Variants in NCAM1 observed in about 807,000 individuals in gnomAD.
The protein encoded by NCAM1 is antigen recognized by monoclonal antibody 5.1H11.
NCAM1 carries 14 observed loss-of-function variants against 109.8 expected under a neutral mutation model. The observed-to-expected ratio is 0.13, with a 90% CI of 0.08 to 0.20. The LOEUF is 0.20. NCAM1 is among the 10% of genes least tolerant of loss of function. The probability of loss-of-function intolerance (pLI) is 1.00; values close to 1 mark genes in which losing one functional copy is unlikely to be tolerated. For missense variants in NCAM1, 774 were observed against 1,109.9 expected (o/e 0.70, Z 4.30); for synonymous variants, 418 against 442.9 (o/e 0.94, Z 0.70).
At chr11:113,100,247 C>T (rs577482141) in intron 1 of NCAM1, among the ~76,000 whole-genome samples, 1 of 152,254 alleles carries the variant, frequency 6.6e-6, no homozygotes, top group African/African-American at 2.4e-5. Flanking sequence ...TGGTTCAAAC[C>T]CCTTGTGGAA....
chr11:113,205,989 C>T, intron 4 of NCAM1, 54 bp from the exon 5 acceptor site: 1 of 1,605,560 alleles, frequency 6.2e-7, no homozygotes, highest in Non-Finnish European at 8.5e-7. Flanking sequence ...AGCCACCTGC[C>T]TGCAGATGCT....
At chr11:113,079,223 A>G (rs1387758778) in intron 1 of NCAM1, among the ~76,000 whole-genome samples, 1 of 152,222 alleles carries the variant, frequency 6.6e-6, no homozygotes, top group African/African-American at 2.4e-5. Flanking sequence ...CATGCGCTCT[A>G]TATTAAGCTT....
chr11:113,127,989 C>T (rs1232481184), intron 1 of NCAM1, among the ~76,000 whole-genome samples: 1 of 152,180 alleles, frequency 6.6e-6, no homozygotes, highest in Non-Finnish European at 1.5e-5. Flanking sequence ...ATCATTTTGA[C>T]CAAATACTCC....
At chr11:113,110,293 A>C (rs1021811292) in intron 1 of NCAM1, among the ~76,000 whole-genome samples, 2 of 152,216 alleles carry the variant, frequency 1.3e-5, no homozygotes, top group African/African-American at 2.4e-5. Flanking sequence ...TGGGAAGATA[A>C]AGGTGGATCA....
At chr11:112,995,311 T>G (rs2134888018) in intron 1 of NCAM1, among the ~76,000 whole-genome samples, 1 of 152,338 alleles carries the variant, frequency 6.6e-6, no homozygotes, top group Non-Finnish European at 1.5e-5. Flanking sequence ...AGTAATTTCA[T>G]TTTTTATATC....
chr11:113,119,605 T>C (rs782401475), intron 1 of NCAM1, among the ~76,000 whole-genome samples: 1 of 152,148 alleles, frequency 6.6e-6, no homozygotes, highest in Non-Finnish European at 1.5e-5. Context: ...CCAACCTTGG[T>C]GGAGGAAGTG....
chr11:113,265,153 A>T, intron 17 of NCAM1: 1 of 985,064 alleles, frequency 1.0e-6, no homozygotes. Context: ...GGCTTTATGA[A>T]GTTTACACCT....
At chr11:113,204,861 G>C (rs1225005337) in intron 3 of NCAM1, among the ~76,000 whole-genome samples, 1 of 152,160 alleles carries the variant, frequency 6.6e-6, no homozygotes, top group African/African-American at 2.4e-5. Context: ...AGGGCTCAGT[G>C]GGGTGGGGGA....
intron 1 of NCAM1, among the ~76,000 whole-genome samples, chr11:113,122,643 G>A (rs1941016014): frequency 6.6e-6 from 1 of 152,046 alleles, no homozygotes; most frequent in South Asian, 2.1e-4. Context: ...AATTAGCCAG[G>A]CATGGTAGTG....
chr11:113,240,980 G>A (rs901283440), intron 14 of NCAM1: 3 of 815,134 alleles, frequency 3.7e-6, no homozygotes, highest in African/African-American at 1.7e-5. Flanking sequence ...CAGTTGAGAA[G>A]AGAAACAGGC....
chr11:113,203,477 CAG>C (rs1473028362), intron 2 of NCAM1, among the ~76,000 whole-genome samples: 1 of 152,240 alleles, frequency 6.6e-6, no homozygotes, highest in Non-Finnish European at 1.5e-5. Flanking sequence ...CGCGAAGAGG[CAG>C]GGGCCCATGC....
intron 1 of NCAM1, among the ~76,000 whole-genome samples, chr11:113,068,352 C>T (rs1233175275): frequency 6.6e-5 from 10 of 152,092 alleles, no homozygotes; most frequent in East Asian, 1.9e-4. Flanking sequence ...TCGGTTTCCT[C>T]GGCTTTTGGG....
chr11:113,103,527 T>C (rs1939972939), intron 1 of NCAM1, among the ~76,000 whole-genome samples: 1 of 152,196 alleles, frequency 6.6e-6, no homozygotes, highest in Non-Finnish European at 1.5e-5. Flanking sequence ...CTTTTTGTGC[T>C]TCTGTGAACA....
At chr11:113,175,812 T>C (rs2136513118) in intron 1 of NCAM1, among the ~76,000 whole-genome samples, 1 of 152,212 alleles carries the variant, frequency 6.6e-6, no homozygotes, top group South Asian at 2.1e-4. Flanking sequence ...ATTATGCATA[T>C]ATAAAAATAC....
chr11:113,034,178 TTC>T (rs1255408267), intron 1 of NCAM1, among the ~76,000 whole-genome samples: 1 of 152,216 alleles, frequency 6.6e-6, no homozygotes, highest in African/African-American at 2.4e-5. Context: ...GTCAGTTTCT[TTC>T]TCTGTCTGTT....
intron 7 of NCAM1, among the ~76,000 whole-genome samples, chr11:113,211,945 A>T (rs1555113705): frequency 6.6e-6 from 1 of 152,228 alleles, no homozygotes; most frequent in African/African-American, 2.4e-5. Context: ...CAGGTGGAGA[A>T]TAGAACAGGG....
intron 1 of NCAM1, among the ~76,000 whole-genome samples, chr11:113,014,800 A>C (rs1952166425): frequency 6.6e-6 from 1 of 152,212 alleles, no homozygotes; most frequent in Non-Finnish European, 1.5e-5. Context: ...ACGTTAAGTG[A>C]AACATAAGCT....
intron 17 of NCAM1, chr11:113,265,291 T>C (rs1370720350): frequency 7.6e-6 from 3 of 392,848 alleles, no homozygotes; most frequent in Non-Finnish European, 1.0e-5. Context: ...GATAGACTAT[T>C]ACCTAGAGAA....
At chr11:113,270,760 T>TATTC (rs1245358574) in intron 18 of NCAM1, among the ~76,000 whole-genome samples, 5 of 152,184 alleles carry the variant, frequency 3.3e-5, no homozygotes, top group Non-Finnish European at 7.3e-5. Flanking sequence ...GTACATTGTT[T>TATTC]ATTCATTCAT....
Sources: allele counts gnomAD v4.1 joint callset (sites outside exome capture counted in the v4.1 genomes callset), GRCh38; gene constraint gnomAD v4.1.1; transcripts MANE v1.5; gene names NCBI Gene and HGNC (gene_info 2026-07-23, HGNC 2026-07-21).